Variants in APLF observed in about 807,000 individuals in gnomAD.
The protein encoded by APLF is aprataxin and PNK-like factor.
Under a neutral mutation model 55.6 loss-of-function variants are expected in APLF, and 61 were observed. The observed-to-expected ratio is 1.10, with a 90% CI of 0.89 to 1.36. The LOEUF is 1.36. APLF is among the 40% of genes most tolerant of loss of function. The probability of loss-of-function intolerance (pLI) is 0.00; values close to 1 mark genes in which losing one functional copy is unlikely to be tolerated. For missense variants in APLF, 611 were observed against 602.5 expected (o/e 1.01, Z -0.15); for synonymous variants, 207 against 214.8 (o/e 0.96, Z 0.32).
chr2:68,493,280 A>C (rs1676426601), intron 2 of APLF, among the ~76,000 whole-genome samples: 1 of 152,116 alleles, frequency 6.6e-6, no homozygotes, highest in Non-Finnish European at 1.5e-5. Context: ...ATCAGTGGGG[A>C]AGAGGAGTTT....
intron 3 of APLF, among the ~76,000 whole-genome samples, chr2:68,509,052 C>T (rs1462291157): frequency 6.6e-6 from 1 of 152,036 alleles, no homozygotes; most frequent in Non-Finnish European, 1.5e-5. Context: ...CTTCCTTACA[C>T]CTTATACAAA....
At chr2:68,534,850 C>G (rs965546181) in intron 6 of APLF, among the ~76,000 whole-genome samples, 1 of 152,244 alleles carries the variant, frequency 6.6e-6, no homozygotes, top group Admixed American at 6.5e-5. Flanking sequence ...GTGACTTACT[C>G]TAGCTCCTGA....
intron 2 of APLF, among the ~76,000 whole-genome samples, chr2:68,495,334 T>C (rs767468808): frequency 1.3e-5 from 2 of 152,190 alleles, no homozygotes; most frequent in Non-Finnish European, 2.9e-5. Flanking sequence ...AGGCATTGGG[T>C]AGACATCCCT....
Position 68,537,871 on chromosome 2 carries a change from G to A in APLF, c.805-1G>A. 1 of 1,552,118 alleles carries A rather than the reference G, an allele frequency of 6.4e-7. No homozygotes were observed. The highest frequency in any genetic ancestry group is 1.2e-5 in the South Asian group (1 of 81,884). On this transcript the variant is annotated splice_acceptor_variant, in intron 6 of 9. Coordinates refer to ENST00000303795, the MANE Select transcript of APLF (RefSeq NM_173545.3). LOFTEE classifies it high-confidence loss of function. ...TGATGTTTTTCATATTTGTTTTACA[G>A]GAAATGCCACAATCATTTTCTGCAA...
chr2:68,496,422 G>T (rs973563251), intron 2 of APLF, among the ~76,000 whole-genome samples: 2 of 151,830 alleles, frequency 1.3e-5, no homozygotes, highest in Non-Finnish European at 2.9e-5. Flanking sequence ...TTTTTTAGTT[G>T]TGCACATATC....
In APLF at chr2:68,578,104, G is replaced by A. The variant is rs763026834; in HGVS notation, c.*82G>A. ...ATTTATGAACTAAGGAGGTACTTAAGTGACAGTTATTTTCCTTCTTTTGAT... is the reference window on the plus strand; with the variant it reads ...ATTTATGAACTAAGGAGGTACTTAAATGACAGTTATTTTCCTTCTTTTGAT... On this transcript the variant is annotated 3_prime_UTR_variant, in exon 10 of 10. Transcript: ENST00000303795. 208 of 1,489,680 alleles carry A rather than the reference G, an allele frequency of 1.4e-4. No homozygotes were observed. Among genetic ancestry groups the A allele is most frequent in the Non-Finnish European group, 1.7e-4 (191 of 1,124,194 alleles). 92.3% of individuals were successfully genotyped at this position (1,489,680 alleles called of 1,614,324 possible). A position where few individuals can be genotyped will look rare whatever the true frequency, so the allele number is the denominator to read the frequency against.
chr2:68,471,836 C>T (rs1032698712), intron 1 of APLF, among the ~76,000 whole-genome samples: 1 of 152,086 alleles, frequency 6.6e-6, no homozygotes, highest in Admixed American at 6.5e-5. Context: ...GAGATTTATT[C>T]TGAGCCAAAT....
intron 6 of APLF, chr2:68,528,324 G>T (rs953005098): frequency 6.9e-7 from 1 of 1,446,858 alleles, no homozygotes; most frequent in Non-Finnish European, 9.4e-7. Context: ...ATGTTCTTAC[G>T]CATGTTGCCC....
At chr2:68,484,979 T>TGC (rs1421440876) in intron 1 of APLF, among the ~76,000 whole-genome samples, 62 of 152,188 alleles carry the variant, frequency 4.1e-4, no homozygotes, top group Middle Eastern at 3.4e-3. Context: ...TGTGTGTGTG[T>TGC]GTGCGCACAT....
chr2:68,516,517 CTGAGATTTT>C (rs1669582573), intron 5 of APLF, among the ~76,000 whole-genome samples: 1 of 150,836 alleles, frequency 6.6e-6, no homozygotes, highest in South Asian at 2.1e-4. Flanking sequence ...GTGATGATTT[CTGAGATTTT>C]GGTGCACCCA....
intron 1 of APLF, among the ~76,000 whole-genome samples, chr2:68,470,178 G>C (rs2103867834): frequency 6.6e-6 from 1 of 152,326 alleles, no homozygotes; most frequent in Non-Finnish European, 1.5e-5. Flanking sequence ...TTAATCTTCA[G>C]AGAACTTGAG....
At chr2:68,530,009 G>A (rs184852913) in intron 6 of APLF, among the ~76,000 whole-genome samples, 10,911 of 151,994 alleles carry the variant, frequency 0.072, 655 homozygotes, top group African/African-American at 0.23. Flanking sequence ...CACCAGCCTC[G>A]CTCCGCAGGT....
In APLF at chr2:68,467,771, CCCCGGGTGGCCCTGG is replaced by C. The variant is rs1675474236; in HGVS notation, c.42_56del (p.Arg15_Ala19del). On this transcript the variant is annotated inframe_deletion, in exon 1 of 10. Transcript: ENST00000303795. ...CGAGCTGCAGCCGCGGGACGGCGGT[CCCCGGGTGGCCCTGG>C]CGCCCGGGGAGACGGTGATCGGCCG... 1 of 1,234,386 alleles carries C rather than the reference CCCCGGGTGGCCCTGG, an allele frequency of 8.1e-7. No individual in the cohort carries two copies. The highest frequency in any genetic ancestry group is 1.6e-5 in the African/African-American group (1 of 64,464). 76.5% of individuals were successfully genotyped at this position (1,234,386 alleles called of 1,614,324 possible).
chr2:68,577,790 T>C (rs773662829), intron 9 of APLF, 30 bp from the exon 10 acceptor site: 2 of 1,607,190 alleles, frequency 1.2e-6, no homozygotes, highest in Non-Finnish European at 1.7e-6. Context: ...TGGTGATTGA[T>C]GTGTTGTGTA....
chr2:68,474,133 A>G (rs753331506), intron 1 of APLF, among the ~76,000 whole-genome samples: 1 of 152,210 alleles, frequency 6.6e-6, no homozygotes, highest in Non-Finnish European at 1.5e-5. Flanking sequence ...AGGGTAAGCT[A>G]TGGGAAGGGA....
intron 1 of APLF, among the ~76,000 whole-genome samples, chr2:68,480,743 C>T (rs1675926879): frequency 2.0e-5 from 3 of 152,084 alleles, no homozygotes; most frequent in Admixed American, 2.0e-4. Context: ...ATGATGTTAG[C>T]TGTGGGTTTG....
intron 5 of APLF, among the ~76,000 whole-genome samples, chr2:68,519,678 G>GTA (rs112217560): frequency 1.9e-3 from 282 of 148,184 alleles, no homozygotes; most frequent in Middle Eastern, 3.5e-3. Context: ...ATAAATATAT[G>GTA]TATATATATA....
At chr2:68,551,612 T>G (rs1248132836) in intron 8 of APLF, among the ~76,000 whole-genome samples, 2 of 151,120 alleles carry the variant, frequency 1.3e-5, no homozygotes, top group Non-Finnish European at 3.0e-5. Context: ...TCTTTTTTTT[T>G]TTTTTTTTGG....
intron 3 of APLF, among the ~76,000 whole-genome samples, chr2:68,506,321 C>T (rs1369156163): frequency 7.0e-6 from 1 of 142,348 alleles, no homozygotes; most frequent in Non-Finnish European, 1.5e-5. Context: ...GAGATGTCTA[C>T]CCGGGGGAGG....
Sources: gnomAD v4.1 joint callset for allele counts (sites outside exome capture counted in the v4.1 genomes callset) on GRCh38, gnomAD v4.1.1 for gene constraint, MANE v1.5 for transcripts, NCBI Gene and HGNC (gene_info 2026-07-23, HGNC 2026-07-21) for gene names.